CDH13: variants seen among roughly 807,000 people sequenced by gnomAD.
CDH13 encodes the protein cadherin 13.
A neutral mutation model predicts 63.8 loss-of-function variants in CDH13; 24 were observed. The observed-to-expected ratio is 0.38, with a 90% CI of 0.27 to 0.53. The LOEUF is 0.53. Among genes scored for constraint, CDH13 ranks in the 20% least tolerant of loss-of-function variants. CDH13 has a pLI of 0.85. For missense variants in CDH13, 1,049 were observed against 903.1 expected, an observed-to-expected ratio of 1.16 and a Z score of -2.07; for synonymous variants, 503 against 355.3, an observed-to-expected ratio of 1.42 and a Z score of -4.67.
intron 2 of CDH13, among the ~76,000 whole-genome samples, chr16:82,900,035 G>T (rs369381035): frequency 1.3e-5 from 2 of 151,464 alleles, no homozygotes; most frequent in African/African-American, 2.4e-5. Flanking sequence ...CATCTTGATT[G>T]CTCTCTCTCT....
rs576895291 is a variant in CDH13, at chr16:82,980,137, C to G, written c.158-51873C>G. ...AGGGTTAAGAGGAGAGGAGGGAGCC[C>G]TCTCTGAAGTGGAGACAGTGAGGTG... On this transcript the variant is annotated intron_variant, in intron 2 of 13. Transcript: ENST00000567109. 3.3e-5 allele frequency among the ~76,000 whole-genome samples: 5 copies of G among 152,284 alleles called. No homozygotes were observed. In the East Asian group the frequency reaches 5.8e-4, roughly 18 times the overall value.
At chr16:83,348,731 C>G (rs753534633) in intron 6 of CDH13, among the ~76,000 whole-genome samples, 1 of 152,196 alleles carries the variant, frequency 6.6e-6, no homozygotes, top group Non-Finnish European at 1.5e-5. Flanking sequence ...ACTGAACCTT[C>G]TAGGACCCTC....
intron 3 of CDH13, among the ~76,000 whole-genome samples, chr16:83,034,372 A>G (rs926102538): frequency 6.6e-6 from 1 of 152,176 alleles, no homozygotes; most frequent in East Asian, 1.9e-4. Flanking sequence ...ATGGCAACCT[A>G]AAAACGAATG....
At chr16:83,437,149 C>G (rs995400148) in intron 6 of CDH13, among the ~76,000 whole-genome samples, 5 of 151,880 alleles carry the variant, frequency 3.3e-5, no homozygotes, top group African/African-American at 4.8e-5. Context: ...CCAGGAGAGG[C>G]CATGGTGTAT....
At chr16:83,508,712 C>G (rs1043957141) in intron 7 of CDH13, among the ~76,000 whole-genome samples, 3 of 152,172 alleles carry the variant, frequency 2.0e-5, no homozygotes, top group Non-Finnish European at 4.4e-5. Flanking sequence ...TGTATTGACT[C>G]TTTTACATAT....
Position 82,961,483 on chromosome 16 carries a change from C to G in CDH13, c.158-70527C>G, listed in dbSNP as rs149223665. 4.0e-3 allele frequency among the ~76,000 whole-genome samples: 596 copies of G among 150,516 alleles called. 3 individuals carry two copies. Among genetic ancestry groups the G allele is most frequent in the African/African-American group, 0.014 (575 of 40,742 alleles). ...TGATTTGTGAAAGAGTTGAAATGAACTTCCTGCAATTGAACAAACTATTAT... is the reference window on the plus strand; with the variant it reads ...TGATTTGTGAAAGAGTTGAAATGAAGTTCCTGCAATTGAACAAACTATTAT... On this transcript the variant is annotated intron_variant, in intron 2 of 13. Transcript: ENST00000567109.
At position 82,857,259 on chromosome 16, in the gene CDH13, T is replaced by C. The variant is rs71402039; in HGVS notation, c.46-1103T>C. On this transcript the variant is annotated intron_variant, in intron 1 of 13. Transcript: ENST00000567109. ...AAAATATACCTTATAACATTACACA[T>C]TTCATAGGCCTGCTGTGGAGATGAT... Among the ~76,000 whole-genome samples, 273 of 152,314 alleles carry C rather than the reference T, an allele frequency of 1.8e-3. 3 individuals carry two copies. Among genetic ancestry groups the C allele is most frequent in the Non-Finnish European group, 2.7e-3 (182 of 68,030 alleles).
At chr16:82,685,236 G>C (rs932698890) in intron 1 of CDH13, among the ~76,000 whole-genome samples, 1 of 152,174 alleles carries the variant, frequency 6.6e-6, no homozygotes, top group Non-Finnish European at 1.5e-5. Context: ...CACAGTTCTG[G>C]AGGCTGGGAT....
intron 6 of CDH13, among the ~76,000 whole-genome samples, chr16:83,476,990 G>C (rs1342741003): frequency 6.6e-6 from 1 of 152,172 alleles, no homozygotes; most frequent in Non-Finnish European, 1.5e-5. Flanking sequence ...TACTGTCGAA[G>C]TCTGGATAAA....
At chr16:82,953,988 T>A (rs1014489631) in intron 2 of CDH13, 1 of 152,182 alleles carries the variant, frequency 6.6e-6, no homozygotes, top group African/African-American at 2.4e-5. Flanking sequence ...TTCAGGTTGG[T>A]CTCCTTCAGA....
chr16:83,566,755 C>G (rs968182411), intron 7 of CDH13, among the ~76,000 whole-genome samples: 1 of 152,216 alleles, frequency 6.6e-6, no homozygotes, highest in African/African-American at 2.4e-5. Flanking sequence ...AGATAATAAT[C>G]TAGCTCATCA....
chr16:83,275,785 C>G (rs2088967979), intron 5 of CDH13, among the ~76,000 whole-genome samples: 1 of 152,034 alleles, frequency 6.6e-6, no homozygotes, highest in Admixed American at 6.6e-5. Context: ...CCATTCAGAG[C>G]AAATAAGTTC....
At chr16:83,169,309 T>A (rs374647310) in intron 4 of CDH13, among the ~76,000 whole-genome samples, 89 of 152,052 alleles carry the variant, frequency 5.9e-4, no homozygotes, top group African/African-American at 2.0e-3. Context: ...CCTGAGTAGC[T>A]GGGACTACAG....
intron 10 of CDH13, among the ~76,000 whole-genome samples, chr16:83,707,944 C>T (rs893698996): frequency 6.6e-6 from 1 of 151,426 alleles, no homozygotes; most frequent in South Asian, 2.1e-4. Context: ...TGGACTCATC[C>T]TCCTGTGAGT....
chr16:82,689,981 C>CCAAAAAAAAAAAA (rs1915472581), intron 1 of CDH13, among the ~76,000 whole-genome samples: 3 of 6,484 alleles, frequency 4.6e-4, no homozygotes, highest in African/African-American at 1.5e-3. Context: ...GCCATCTCTA[C>CCAAAAAAAAAAAA]TAAAAAAAAA....
intron 4 of CDH13, among the ~76,000 whole-genome samples, chr16:83,128,580 CT>C (rs1398056380): frequency 1.3e-5 from 2 of 152,170 alleles, no homozygotes; most frequent in African/African-American, 4.8e-5. Flanking sequence ...CAGTTTACAC[CT>C]GTCGTCCAAA....
chr16:82,668,798 C>G (rs937670507), intron 1 of CDH13, among the ~76,000 whole-genome samples: 1 of 152,124 alleles, frequency 6.6e-6, no homozygotes, highest in Non-Finnish European at 1.5e-5. Context: ...TGGGACAGAA[C>G]AGGGAAAAGC....
chr16:82,769,742 G>C (rs534612163), intron 1 of CDH13, among the ~76,000 whole-genome samples: 2 of 152,296 alleles, frequency 1.3e-5, no homozygotes, highest in African/African-American at 4.8e-5. Flanking sequence ...CCACCAGGTG[G>C]TGAATCAATG....
chr16:83,749,869 G>A (rs775822743), intron 11 of CDH13, among the ~76,000 whole-genome samples: 1 of 152,168 alleles, frequency 6.6e-6, no homozygotes, highest in African/African-American at 2.4e-5. Flanking sequence ...CCTGAGAGAG[G>A]GGACATCTCA....
Sources: allele counts gnomAD v4.1 joint callset (sites outside exome capture counted in the v4.1 genomes callset), GRCh38; gene constraint gnomAD v4.1.1; transcripts MANE v1.5; gene names NCBI Gene and HGNC (gene_info 2026-07-23, HGNC 2026-07-21).